The following ERAP2 variants were observed in gnomAD, a reference collection of about 807,000 sequenced individuals.
ERAP2 encodes leukocyte-derived arginine aminopeptidase.
ERAP2 carries 118 observed loss-of-function variants against 111.1 expected under a neutral mutation model. The observed-to-expected ratio is 1.06, with a 90% CI of 0.92 to 1.24. The LOEUF (loss-of-function observed/expected upper bound fraction) is 1.24, where lower values mean the gene tolerates loss of function less well. Ranked by LOEUF, ERAP2 falls within the 50% of genes most tolerant of loss-of-function variation. The pLI is 0.00. For synonymous variants in ERAP2, 410 were observed against 401.2 expected, an observed-to-expected ratio of 1.02 and a Z score of -0.26; for missense variants, 1,131 against 1,125.8, an observed-to-expected ratio of 1.00 and a Z score of -0.07.
intron 4 of ERAP2, among the ~76,000 whole-genome samples, chr5:96,887,608 C>T (rs975940476): frequency 1.3e-5 from 2 of 152,080 alleles, no homozygotes; most frequent in African/African-American, 4.8e-5. Flanking sequence ...CAGTTTCCAA[C>T]TGTTTTTTAT....
intron 5 of ERAP2, among the ~76,000 whole-genome samples, chr5:96,889,786 C>T (rs990310095): frequency 2.0e-5 from 3 of 151,896 alleles, no homozygotes; most frequent in Non-Finnish European, 2.9e-5. Context: ...CTCTTCTATG[C>T]CCAGCAGCAT....
chr5:96,883,946 G>A lies in ERAP2; in HGVS notation c.714+16G>A, dbSNP rs1237228402. The A allele has an allele frequency of 3.2e-6, 5 of 1,546,638 alleles. No homozygotes were observed. Among genetic ancestry groups the A allele is most frequent in the Non-Finnish European group, 4.4e-6 (5 of 1,148,756 alleles). ...CATGCCAAAGGTATGTCCACTTCCA[G>A]AAACTTTTAGAAATTGTTCTCAAGT... On this transcript the variant is annotated intron_variant, in intron 3 of 18. Coordinates refer to ENST00000437043, the MANE Select transcript of ERAP2 (RefSeq NM_022350.5).
chr5:96,908,544 A>G (rs779003478), intron 13 of ERAP2, among the ~76,000 whole-genome samples: 4 of 152,268 alleles, frequency 2.6e-5, no homozygotes, highest in Non-Finnish European at 5.9e-5. Context: ...TGGAGAAACA[A>G]GTCAAACCCA....
rs747369559 is a variant in ERAP2, at chr5:96,902,289, C to T, written c.1764C>T (p.Ile588=). The change falls in exon 12 of 19, where the codon ATC becomes ATT. Residue 588 remains isoleucine, a synonymous_variant. Coordinates refer to ENST00000437043, the MANE Select transcript of ERAP2 (RefSeq NM_022350.5). ...RALQERYLWH[I]PLTYSTSSSN... ...TCTGTCATAGGTACCTGTGGCATAT[C>T]CCATTGACCTACTCCACGAGTTCTT... 50 of 1,608,166 alleles carry T rather than the reference C, an allele frequency of 3.1e-5. No individual in the cohort carries two copies. The highest frequency in any genetic ancestry group is 4.1e-5 in the Non-Finnish European group (48 of 1,174,874).
Position 96,896,457 on chromosome 5 carries a change from AC to A in ERAP2, c.1328del (p.Pro443ArgfsTer20). On this transcript the variant is annotated frameshift_variant, in exon 8 of 19. Transcript: ENST00000437043. LOFTEE classifies it high-confidence loss of function. ...SSRPISKPAE[T>X]PTQIQEMFDE... ...CCGCCCTATCTCCAAACCAGCGGAA[AC>A]CCCGACTCAAATACAGGAAATGTTT... 2 of 1,613,688 alleles carry A rather than the reference AC, an allele frequency of 1.2e-6. No homozygotes were observed. Among genetic ancestry groups the A allele is most frequent in the Non-Finnish European group, 1.7e-6 (2 of 1,179,736 alleles).
chr5:96,917,439 T>G, intron 18 of ERAP2, 23 bp from the exon 19 acceptor site: 4 of 1,587,506 alleles, frequency 2.5e-6, no homozygotes, highest in Non-Finnish European at 3.4e-6. Context: ...GTGTTAGTAA[T>G]TTTTTTCTTC....
At position 96,880,120 on chromosome 5, in the gene ERAP2, T is replaced by G; in HGVS notation, c.435T>G (p.His145Gln). Residue 145 changes from histidine (H) to glutamine (Q), a missense_variant, in exon 2 of 19, where the codon CAT (histidine) becomes CAG (glutamine). Physicochemically the swap from His to Gln is conservative, Grantham distance 24 (BLOSUM62 0). Transcript: ENST00000437043. ...KELKVLSYPA[H>Q]EQIALLVPEK... is the part of the protein sequence containing the mutation. ...TGAAAGTTTTGAGTTACCCTGCTCA[T>G]GAACAAATTGCACTGCTGGTTCCAG... The G allele has an allele frequency of 6.2e-7, 1 of 1,614,168 alleles. No individual in the cohort carries two copies. Among genetic ancestry groups the G allele is most frequent in the Non-Finnish European group, 8.5e-7 (1 of 1,180,018 alleles).
rs1280847904 is a variant in ERAP2 at position 96,918,677 on chromosome 5, T to C, written c.*1072T>C. Reference sequence around the variant, plus strand: ...CCTCAAGGGTAGATTTTTGAGATCATTCCAAATGAAGTCGAATCTGCCCTC... The same window carrying C: ...CCTCAAGGGTAGATTTTTGAGATCACTCCAAATGAAGTCGAATCTGCCCTC... On this transcript the variant is annotated 3_prime_UTR_variant, in exon 19 of 19. Coordinates refer to ENST00000437043, the MANE Select transcript of ERAP2 (RefSeq NM_022350.5). 1 of 152,208 alleles carries C rather than the reference T, an allele frequency of 6.6e-6. No homozygotes were observed. The highest frequency in any genetic ancestry group is 1.5e-5 in the Non-Finnish European group (1 of 68,034). 9.4% of individuals were successfully genotyped at this position (152,208 alleles called of 1,614,324 possible). A position where few individuals can be genotyped will look rare whatever the true frequency, so the allele number is the denominator to read the frequency against.
intron 16 of ERAP2, 46 bp from the exon 17 acceptor site, chr5:96,913,271 T>A: frequency 6.6e-7 from 1 of 1,517,936 alleles, no homozygotes; most frequent in Non-Finnish European, 9.1e-7. Flanking sequence ...AATGTCCATG[T>A]ACATAATACC....
Position 96,915,760 on chromosome 5 carries a change from G to T in ERAP2, c.2730G>T (p.Lys910Asn), listed in dbSNP as rs1274624080. The T allele has an allele frequency of 3.1e-6, 5 of 1,599,718 alleles. No individual in the cohort carries two copies. The highest frequency in any genetic ancestry group is 2.3e-5 in the East Asian group (1 of 43,780). The change falls in exon 18 of 19, where the codon AAG becomes AAT. Residue 910 changes from lysine (K) to asparagine (N), a missense_variant. Physicochemically the swap from Lys to Asn is moderately conservative, Grantham distance 94. This residue lies in a region of ERAP2 where 279 missense variants were observed against 250.9 expected (regional missense o/e 1.11). Transcript: ENST00000437043. ...CAGCTCACTTTTCTTCCAAGGATAA[G>T]TTGCAAGAGGTTTGTGACTTTCTGT... is the stretch of plus-strand genomic sequence containing the variant. ...GTTAHFSSKD[K>N]LQEVKLFFES...
At chr5:96,916,809 C>T in intron 18 of ERAP2, among the ~76,000 whole-genome samples, 1 of 149,338 alleles carries the variant, frequency 6.7e-6, no homozygotes, top group East Asian at 2.0e-4. Flanking sequence ...ACCTTCTTTT[C>T]ACAATAAATC....
Position 96,895,365 on chromosome 5 carries a change from T to C in ERAP2, c.1239+6T>C. 6.4e-7 allele frequency: 1 copy of C among 1,554,616 alleles called. No homozygotes were observed. The highest frequency in any genetic ancestry group is 8.9e-7 in the Non-Finnish European group (1 of 1,127,308). On this transcript the variant is annotated splice_donor_region_variant and intron_variant, in intron 7 of 18. Transcript: ENST00000437043. ...CATATCCAGAGCTGCAATTTGTAAG[T>C]TCACAATTCTGTGTATCATACTATA...
At chr5:96,914,148 T>TCTCTCTCACACACACACACA (rs34158080) in intron 17 of ERAP2, among the ~76,000 whole-genome samples, 1 of 147,982 alleles carries the variant, frequency 6.8e-6, no homozygotes, top group African/African-American at 2.5e-5. Flanking sequence ...TCTCTCTCTC[T>TCTCTCTCACACACACACACA]CACACACACA....
intron 13 of ERAP2, among the ~76,000 whole-genome samples, chr5:96,904,645 G>A (rs1785842875): frequency 6.6e-6 from 1 of 152,176 alleles, no homozygotes; most frequent in Non-Finnish European, 1.5e-5. Flanking sequence ...GTTGAAGGAG[G>A]TTTGCCTGCT....
chr5:96,885,450 A>AT (rs1257979696), intron 3 of ERAP2, among the ~76,000 whole-genome samples: 11 of 152,172 alleles, frequency 7.2e-5, no homozygotes, highest in African/African-American at 2.7e-4. Flanking sequence ...TTCTTACAGT[A>AT]TTTTATCAGT....
rs1200103901 is a variant in ERAP2 at position 96,909,099 on chromosome 5, T to C, written c.2151T>C (p.Asp717=). ...TGATGGACAGAAGGAATATTTCAGA[T>C]ATCTCTGAAAACCTCAAGGTTTGTG... The part of the protein sequence containing the change: ...YHMMDRRNIS[D]ISENLKRYLL... The change falls in exon 14 of 19, where the codon GAT becomes GAC. Residue 717 remains aspartate (D), a synonymous_variant. Transcript: ENST00000437043. The C allele has an allele frequency of 6.2e-7, 1 of 1,614,052 alleles. No homozygotes were observed. Among genetic ancestry groups the C allele is most frequent in the South Asian group, 1.1e-5 (1 of 91,080 alleles).
intron 9 of ERAP2, 59 bp downstream of exon 9, chr5:96,896,922 T>C (rs1470835650): frequency 6.7e-7 from 1 of 1,481,772 alleles, no homozygotes; most frequent in Non-Finnish European, 9.0e-7. Context: ...AACAGAATAA[T>C]TGTGAATGTT....
intron 13 of ERAP2, among the ~76,000 whole-genome samples, chr5:96,904,390 C>T (rs1463489265): frequency 6.6e-6 from 1 of 152,158 alleles, no homozygotes; most frequent in African/African-American, 2.4e-5. Flanking sequence ...ATATAATTTT[C>T]TTTCAGGAGC....
At chr5:96,889,343 T>A (rs766439816) in intron 5 of ERAP2, 38 bp downstream of exon 5, 1 of 1,611,906 alleles carries the variant, frequency 6.2e-7, no homozygotes, top group South Asian at 1.1e-5. Context: ...TCATTTTTGC[T>A]CATAAAACTT....
Sources: gnomAD v4.1 joint callset for allele counts (sites outside exome capture counted in the v4.1 genomes callset) on GRCh38, gnomAD v4.1.1 for gene constraint, gnomAD v4.1.1 regional missense constraint, MANE v1.5 for transcripts, NCBI Gene and HGNC (gene_info 2026-07-23, HGNC 2026-07-21) for gene names.